VGLL4: variants seen among roughly 807,000 people sequenced by gnomAD.
The protein encoded by VGLL4 is transcription cofactor vestigial-like protein 4.
Under a neutral mutation model 21.0 loss-of-function variants are expected in VGLL4, and 7 were observed. That is an observed-to-expected ratio of 0.33 (90% confidence interval 0.19 to 0.63). The LOEUF is 0.63. VGLL4 is among the 20% of genes least tolerant of loss of function. The probability of loss-of-function intolerance (pLI) is 0.78; values close to 1 mark genes in which losing one functional copy is unlikely to be tolerated. For synonymous variants in VGLL4, 222 were observed against 173.2 expected (o/e 1.28, Z -2.21); for missense variants, 394 against 425.7 (o/e 0.93, Z 0.66).
intron 1 of VGLL4, among the ~76,000 whole-genome samples, chr3:11,708,575 G>GA (rs1339296219): frequency 2.0e-5 from 3 of 152,028 alleles, no homozygotes; most frequent in African/African-American, 4.8e-5. Flanking sequence ...TTAAGTCCGT[G>GA]AAAAGTCCTG....
chr3:11,684,409 C>T (rs2076416070), intron 2 of VGLL4, among the ~76,000 whole-genome samples: 1 of 151,674 alleles, frequency 6.6e-6, no homozygotes, highest in South Asian at 2.1e-4. Flanking sequence ...AAGACAGGGT[C>T]TTACTTTGTC....
At chr3:11,585,451 G>C (rs1044936452) in intron 2 of VGLL4, among the ~76,000 whole-genome samples, 2 of 151,376 alleles carry the variant, frequency 1.3e-5, no homozygotes, top group African/African-American at 4.9e-5. Flanking sequence ...AAAAAAGAGA[G>C]AGAGAGAGGG....
intron 1 of VGLL4, among the ~76,000 whole-genome samples, chr3:11,603,404 G>T (rs2125270003): frequency 6.6e-6 from 1 of 152,242 alleles, no homozygotes; most frequent in South Asian, 2.1e-4. Context: ...CAGAAATTCA[G>T]TATGATCTTG....
At chr3:11,630,518 C>T (rs1371778504) in intron 1 of VGLL4, among the ~76,000 whole-genome samples, 2 of 152,052 alleles carry the variant, frequency 1.3e-5, no homozygotes, top group African/African-American at 2.4e-5. Context: ...TGGTGGCGGG[C>T]GCCTGTAATC....
chr3:11,622,122 A>C (rs1226743923), intron 1 of VGLL4, among the ~76,000 whole-genome samples: 1 of 152,230 alleles, frequency 6.6e-6, no homozygotes, highest in Non-Finnish European at 1.5e-5. Context: ...TATTATAGTT[A>C]CCTACAGCCT....
Position 11,707,715 on chromosome 3 carries a change from C to T in VGLL4, c.-13-4668G>A, listed in dbSNP as rs115299674. Among the ~76,000 whole-genome samples the T allele has an allele frequency of 2.2e-3, 337 of 151,642 alleles. 1 individual carries two copies. Among genetic ancestry groups the T allele is most frequent in the African/African-American group, 7.6e-3 (315 of 41,346 alleles). On this transcript the variant is annotated intron_variant, in intron 1 of 5. Transcript: ENST00000273038. The stretch of plus-strand genomic sequence containing the variant: ...TTCTACAAAAGATTAAAAAATTAGC[C>T]GGGCATAGGGACGTATACCTATAGT...
rs376588418 is a variant in VGLL4 at position 11,690,981 on chromosome 3, C to A, written c.64+11990G>T. Among the ~76,000 whole-genome samples the A allele has an allele frequency of 2.6e-5, 4 of 152,022 alleles. No individual in the cohort carries two copies. In the East Asian group the frequency reaches 5.8e-4, roughly 22 times the overall value. On this transcript the variant is annotated intron_variant, in intron 2 of 5. Coordinates refer to the VGLL4 transcript ENST00000273038. ...TATAAAGAAAAGATGTGGCCTTTGT[C>A]TTTTAAAAACAGAAAATCTGAATAG...
intron 2 of VGLL4, among the ~76,000 whole-genome samples, chr3:11,566,792 A>G (rs747467031): frequency 1.3e-5 from 2 of 152,044 alleles, no homozygotes; most frequent in Non-Finnish European, 2.9e-5. Flanking sequence ...CTCTTCGTCT[A>G]CGCACCCGCC....
At chr3:11,599,200 T>A (rs1234044071) in intron 2 of VGLL4, among the ~76,000 whole-genome samples, 2 of 152,096 alleles carry the variant, frequency 1.3e-5, no homozygotes, top group African/African-American at 4.8e-5. Context: ...AGTAAACAAG[T>A]AACACTCAGA....
intron 2 of VGLL4, among the ~76,000 whole-genome samples, chr3:11,679,674 C>T (rs1229484568): frequency 1.3e-5 from 2 of 151,874 alleles, no homozygotes; most frequent in African/African-American, 4.8e-5. Flanking sequence ...CAGAGCAACA[C>T]TCTGGCTCAA....
In VGLL4 at chr3:11,563,253, C is replaced by T. The variant is rs547711014; in HGVS notation, c.495+1544G>A. ...TACAGCTGAATCCTCCCCTCCATAC[C>T]CGTGTCCTTCAGGGACTCCCCAACA... On this transcript the variant is annotated intron_variant, in intron 3 of 4. Transcript: ENST00000430365. Among the ~76,000 whole-genome samples, 48 of 152,328 alleles carry T rather than the reference C, an allele frequency of 3.2e-4. No homozygotes were observed. The South Asian group carries it at 8.3e-3, about 26-fold the overall frequency.
At chr3:11,581,442 G>A (rs1021433087) in intron 2 of VGLL4, among the ~76,000 whole-genome samples, 1 of 152,114 alleles carries the variant, frequency 6.6e-6, no homozygotes, top group Non-Finnish European at 1.5e-5. Flanking sequence ...CCTCATCTGT[G>A]CAGGCAGGTG....
upstream of VGLL4, among the ~76,000 whole-genome samples, chr3:11,644,188 T>TA (rs1266217781): frequency 6.6e-6 from 1 of 152,118 alleles, no homozygotes; most frequent in South Asian, 2.1e-4. Flanking sequence ...AAGTACAAAG[T>TA]AAAAAATCCA....
intron 2 of VGLL4, among the ~76,000 whole-genome samples, chr3:11,586,935 G>GA (rs1318325837): frequency 6.6e-6 from 1 of 152,244 alleles, no homozygotes; most frequent in African/African-American, 2.4e-5. Context: ...AGTCACAAGG[G>GA]AAGTTGGAGA....
chr3:11,599,225 C>T (rs556912500), intron 2 of VGLL4, among the ~76,000 whole-genome samples: 15 of 152,130 alleles, frequency 9.9e-5, no homozygotes, highest in Admixed American at 2.0e-4. Flanking sequence ...CCTAACCACA[C>T]GCCAATCGCC....
chr3:11,574,887 C>T (rs944744238), intron 2 of VGLL4, among the ~76,000 whole-genome samples: 2 of 148,852 alleles, frequency 1.3e-5, no homozygotes, highest in Middle Eastern at 3.7e-3. Context: ...TTCAGGAAGC[C>T]AGGAAAAAGA....
chr3:11,680,509 C>G (rs1384341823), intron 2 of VGLL4, among the ~76,000 whole-genome samples: 2 of 152,128 alleles, frequency 1.3e-5, no homozygotes, highest in Non-Finnish European at 2.9e-5. Context: ...TGCGGGAGAC[C>G]AGTAGTGCCA....
In VGLL4 at chr3:11,564,931, G is replaced by A; in HGVS notation, c.361C>T (p.Leu121=). 4 of 1,587,574 alleles carry A rather than the reference G, an allele frequency of 2.5e-6. No homozygotes were observed. Among genetic ancestry groups the A allele is most frequent in the Non-Finnish European group, 3.4e-6 (4 of 1,167,060 alleles). The change falls in exon 3 of 5, where the codon CTG becomes TTG. Residue 121 remains leucine, a synonymous_variant. Transcript: ENST00000430365. The part of the protein sequence containing the change: ...IERAVAPTMS[L]HGSHLYTSLP... Reference sequence around the variant, plus strand: ...GAGGTGTACAGGTGGCTGCCGTGCAGGCTCATGGTGGGGGCCACAGCGCGC... The same window carrying A: ...GAGGTGTACAGGTGGCTGCCGTGCAAGCTCATGGTGGGGGCCACAGCGCGC...
chr3:11,636,109 G>A lies in VGLL4; in HGVS notation c.82+7328C>T, dbSNP rs150160660. Among the ~76,000 whole-genome samples the A allele has an allele frequency of 2.6e-3, 393 of 152,266 alleles. 4 individuals carry two copies. Among genetic ancestry groups the A allele is most frequent in the East Asian group, 0.017 (90 of 5,188 alleles). ...GAATTTTAAATTAATCTCTTGTCGC[G>A]TTAATAGTACTGCCATATAATGGAA... On this transcript the variant is annotated intron_variant, in intron 1 of 4. Coordinates refer to ENST00000430365, the MANE Select transcript of VGLL4 (RefSeq NM_001128219.3).
Sources: allele counts gnomAD v4.1 joint callset (sites outside exome capture counted in the v4.1 genomes callset), GRCh38; gene constraint gnomAD v4.1.1; transcripts MANE v1.5; gene names NCBI Gene and HGNC (gene_info 2026-07-23, HGNC 2026-07-21).